OTUD7A: variants seen among roughly 807,000 people sequenced by gnomAD.
The protein encoded by OTUD7A is OTU domain-containing protein 7A.
A neutral mutation model predicts 65.7 loss-of-function variants in OTUD7A; 12 were observed. The ratio of observed to expected loss-of-function variants is 0.18; its 90% confidence interval spans 0.12 to 0.30. The LOEUF is 0.30. Among genes scored for constraint, OTUD7A ranks in the 10% least tolerant of loss-of-function variants. The pLI is 1.00. For synonymous variants in OTUD7A, 641 were observed against 586.3 expected (o/e 1.09, Z -1.35); for missense variants, 1,148 against 1,304.8 (o/e 0.88, Z 1.85).
At chr15:31,813,068 C>T (rs1040359554) in intron 1 of OTUD7A, among the ~76,000 whole-genome samples, 13 of 152,212 alleles carry the variant, frequency 8.5e-5, no homozygotes, top group African/African-American at 3.1e-4. Flanking sequence ...AAGCAAGACA[C>T]CTGATGCGGC....
At chr15:31,530,927 G>A in intron 5 of OTUD7A, 119 bp from the exon 6 acceptor site, 2 of 640,142 alleles carry the variant, frequency 3.1e-6, no homozygotes, top group East Asian at 3.0e-5. Context: ...TAGAAAGGGG[G>A]AACATTATGG....
chr15:31,670,487 A>G (rs773202927), intron 1 of OTUD7A, among the ~76,000 whole-genome samples: 59 of 152,262 alleles, frequency 3.9e-4, no homozygotes, highest in Non-Finnish European at 7.8e-4. Context: ...CTAGCACGAG[A>G]TGGTATCTCA....
At chr15:31,598,586 A>G (rs1231681082) in intron 3 of OTUD7A, among the ~76,000 whole-genome samples, 1 of 152,182 alleles carries the variant, frequency 6.6e-6, no homozygotes, top group African/African-American at 2.4e-5. Context: ...CCGTTCAGGC[A>G]GACACCAAAC....
At position 31,816,506 on chromosome 15, in the gene OTUD7A, C is replaced by T. The variant is rs145338880; in HGVS notation, c.-100+54001G>A. Among the ~76,000 whole-genome samples the T allele has an allele frequency of 9.3e-3, 1,380 of 148,796 alleles. 24 individuals carry two copies. Among genetic ancestry groups the T allele is most frequent in the African/African-American group, 0.033 (1,316 of 40,398 alleles). The stretch of plus-strand genomic sequence containing the variant: ...GAGATTGAGACCATCCTGGCTAACA[C>T]GGTGAAACCCCGTCTCTACTAAAAA... On this transcript the variant is annotated intron_variant, in intron 1 of 12. Transcript: ENST00000307050.
intron 1 of OTUD7A, among the ~76,000 whole-genome samples, chr15:31,839,358 G>A (rs1360741697): frequency 1.3e-5 from 2 of 152,160 alleles, no homozygotes; most frequent in East Asian, 1.9e-4. Flanking sequence ...CTGTTTGCTC[G>A]TCAGCAGGAT....
chr15:31,592,915 A>T (rs1365776131), intron 3 of OTUD7A, among the ~76,000 whole-genome samples: 2 of 60,654 alleles, frequency 3.3e-5, no homozygotes, highest in African/African-American at 9.2e-5. Context: ...ATATATATAT[A>T]TATATATATA....
chr15:31,558,063 G>C (rs1426143722), intron 5 of OTUD7A: 2 of 152,262 alleles, frequency 1.3e-5, no homozygotes, highest in African/African-American at 4.8e-5. Flanking sequence ...CCCACTGGCT[G>C]AGGACATGCT....
chr15:31,594,537 A>ACACCCTG (rs1889846239), intron 3 of OTUD7A, among the ~76,000 whole-genome samples: 2 of 152,180 alleles, frequency 1.3e-5, no homozygotes. Flanking sequence ...TCCAGGCCTC[A>ACACCCTG]CACCCTGGCC....
At chr15:31,831,409 G>C (rs922161692) in intron 1 of OTUD7A, among the ~76,000 whole-genome samples, 8 of 147,460 alleles carry the variant, frequency 5.4e-5, no homozygotes, top group Non-Finnish European at 1.2e-4. Flanking sequence ...CGCAAATGAA[G>C]AGTATGTGAA....
chr15:31,711,311 C>T (rs1380092336), intron 1 of OTUD7A, among the ~76,000 whole-genome samples: 2 of 152,138 alleles, frequency 1.3e-5, no homozygotes, highest in African/African-American at 2.4e-5. Flanking sequence ...TCAGGGCACA[C>T]TCATGGTGAT....
chr15:31,619,134 A>G (rs1343438595), intron 3 of OTUD7A, among the ~76,000 whole-genome samples: 1 of 152,114 alleles, frequency 6.6e-6, no homozygotes, highest in African/African-American at 2.4e-5. Context: ...ATTGATCTAT[A>G]TCTCTGTTTT....
At position 31,631,095 on chromosome 15, in the gene OTUD7A, T is replaced by G. The variant is rs553646025; in HGVS notation, c.151+24001A>C. Among the ~76,000 whole-genome samples the G allele has an allele frequency of 2.6e-5, 4 of 152,336 alleles. No individual in the cohort carries two copies. The South Asian group carries it at 8.3e-4, about 32-fold the overall frequency. On this transcript the variant is annotated intron_variant, in intron 3 of 12. Coordinates refer to ENST00000307050, the MANE Select transcript of OTUD7A (RefSeq NM_001382637.1). ...GCATTTAGCCCACTGACATTTAAAG[T>G]TAATATTGTTATGTGTGTATTTGGT...
intron 5 of OTUD7A, among the ~76,000 whole-genome samples, chr15:31,540,901 T>G (rs1422680368): frequency 6.6e-6 from 1 of 152,136 alleles, no homozygotes; most frequent in Non-Finnish European, 1.5e-5. Flanking sequence ...TGGTGCTGCT[T>G]AAAGGGAGGT....
intron 1 of OTUD7A, among the ~76,000 whole-genome samples, chr15:31,841,241 T>A (rs1397786210): frequency 1.3e-5 from 2 of 152,134 alleles, no homozygotes; most frequent in Non-Finnish European, 2.9e-5. Flanking sequence ...AACTTGGACT[T>A]CAACCCAGGA....
At chr15:31,788,360 T>C (rs1226148474) in intron 1 of OTUD7A, among the ~76,000 whole-genome samples, 2 of 152,176 alleles carry the variant, frequency 1.3e-5, no homozygotes, top group African/African-American at 4.8e-5. Context: ...TCAGAATAGA[T>C]CTGGGCTTCA....
chr15:31,483,606 G>C lies in OTUD7A; in HGVS notation c.2490C>G (p.Val830=), dbSNP rs1284815272. ...CGGGCACCGCGCGCGCCAGCGACTC[G>C]ACCGTGTTGACGGTGCGCAGGGCGG... ...RAAALRTVNT[V]ESLARAVPGA... is the part of the protein sequence containing the mutation. The change falls in exon 13 of 13, where the codon GTC becomes GTG. Residue 830 remains valine, a synonymous_variant. Transcript: ENST00000307050. The C allele has an allele frequency of 1.6e-6, 2 of 1,218,536 alleles. No individual in the cohort carries two copies. The highest frequency in any genetic ancestry group is 1.0e-6 in the Non-Finnish European group (1 of 983,132). 75.5% of individuals were successfully genotyped at this position (1,218,536 alleles called of 1,614,324 possible). A position where few individuals can be genotyped will look rare whatever the true frequency, so the allele number is the denominator to read the frequency against.
intron 3 of OTUD7A, among the ~76,000 whole-genome samples, chr15:31,614,548 T>G (rs186785312): frequency 6.6e-6 from 1 of 151,990 alleles, no homozygotes; most frequent in East Asian, 1.9e-4. Context: ...ATCTTCAGAG[T>G]TCAAAAATAA....
intron 3 of OTUD7A, among the ~76,000 whole-genome samples, chr15:31,636,555 A>C (rs1891348328): frequency 6.6e-6 from 1 of 152,216 alleles, no homozygotes; most frequent in African/African-American, 2.4e-5. Context: ...AATGGAAAAA[A>C]AAAAGAATTT....
In OTUD7A at chr15:31,585,008, C is replaced by G. The variant is rs7166647; in HGVS notation, c.152-14811G>C. Among the ~76,000 whole-genome samples, 1,382 of 152,274 alleles carry G rather than the reference C, an allele frequency of 9.1e-3. 29 individuals are homozygous for G. Among genetic ancestry groups the G allele is most frequent in the African/African-American group, 0.032 (1,330 of 41,546 alleles). On this transcript the variant is annotated intron_variant, in intron 3 of 12. Coordinates refer to ENST00000307050, the MANE Select transcript of OTUD7A (RefSeq NM_001382637.1). ...GTGAGTGAGCTAGATGGCAAATGAACAAAACTCAAGATGGGTTTGGTGACT... is the reference window on the plus strand; with the variant it reads ...GTGAGTGAGCTAGATGGCAAATGAAGAAAACTCAAGATGGGTTTGGTGACT...
Sources: allele counts gnomAD v4.1 joint callset (sites outside exome capture counted in the v4.1 genomes callset), GRCh38; gene constraint gnomAD v4.1.1; transcripts MANE v1.5; gene names NCBI Gene and HGNC (gene_info 2026-07-23, HGNC 2026-07-21).